COL16A1: variants seen among roughly 807,000 people sequenced by gnomAD.
The protein encoded by COL16A1 is collagen type XVI alpha 1 chain.
In COL16A1, 189 loss-of-function variants were observed where a neutral mutation model predicts 266.3. The observed-to-expected ratio is 0.71, with a 90% confidence interval of 0.63 to 0.80. The LOEUF is 0.80. Ranked by LOEUF, COL16A1 falls within the 30% of genes least tolerant of loss-of-function variation. The probability of loss-of-function intolerance (pLI) is 0.00; values close to 1 mark genes in which losing one functional copy is unlikely to be tolerated. For synonymous variants in COL16A1, 740 were observed against 782.3 expected, an observed-to-expected ratio of 0.95 and a Z score of 0.90; for missense variants, 1,928 against 2,122.4, an observed-to-expected ratio of 0.91 and a Z score of 1.80.
In COL16A1 at chr1:31,656,722, G is replaced by A. The variant is rs1216458079; in HGVS notation, c.4057-278C>T. On this transcript the variant is annotated intron_variant, in intron 65 of 70. Coordinates refer to ENST00000373672, the MANE Select transcript of COL16A1 (RefSeq NM_001856.4). This position sits in a 1 kb window ranked among gnomAD's most constrained non-coding sequence, Gnocchi z 4.2. The stretch of plus-strand genomic sequence containing the variant: ...GAGGGCCAGTCTGTGGCATACTGGG[G>A]GGCCTGGAAAGACCTGGTACCCAGG... 1.3e-5 allele frequency among the ~76,000 whole-genome samples: 2 copies of A among 152,108 alleles called. No individual in the cohort carries two copies. Among genetic ancestry groups the A allele is most frequent in the Non-Finnish European group, 2.9e-5 (2 of 68,016 alleles).
At chr1:31,701,431 C>T in intron 2 of COL16A1, 4 of 985,442 alleles carry the variant, frequency 4.1e-6, no homozygotes, top group Non-Finnish European at 4.8e-6. Flanking sequence ...GGTTTTTCTG[C>T]TTTTCCTAGC....
chr1:31,665,815 G>A (rs1373682392), intron 54 of COL16A1, 67 bp downstream of exon 54: 1 of 1,610,936 alleles, frequency 6.2e-7, no homozygotes. Context: ...GGAGACTAGA[G>A]CTGGTGATCA....
chr1:31,662,999 T>G (rs1001645229), intron 56 of COL16A1: 6 of 396,680 alleles, frequency 1.5e-5, no homozygotes, highest in Non-Finnish European at 2.3e-5. Context: ...AAGCTGCCTG[T>G]TGTATTCTAC....
At chr1:31,692,568 T>C (rs747381514) in intron 15 of COL16A1, 30 bp downstream of exon 15, 2 of 1,614,066 alleles carry the variant, frequency 1.2e-6, no homozygotes, top group Admixed American at 3.3e-5. Flanking sequence ...GGACCCACCA[T>C]CCCTGCCCTA....
In COL16A1 at chr1:31,692,504, G is replaced by C. The variant is rs1276174040; in HGVS notation, c.1164C>G (p.Pro388=). ...GEKGESGALG[P]SGLPGSTGEK... is the part of the protein sequence containing the mutation. ...CGCCTGTTGAGCCTGGGAGTCCTGA[G>C]GGTCCCTGAGATGAGGAAGGGAGAC... is the stretch of plus-strand genomic sequence containing the variant. Residue 388 remains proline, a synonymous_variant, in exon 16 of 71, where the codon CCC becomes CCG. Transcript: ENST00000373672. 2 of 1,613,882 alleles carry C rather than the reference G, an allele frequency of 1.2e-6. No homozygotes were observed. The highest frequency in any genetic ancestry group is 1.7e-6 in the Non-Finnish European group (2 of 1,179,860).
intron 29 of COL16A1, 37 bp from the exon 30 acceptor site, chr1:31,684,893 A>C: frequency 1.2e-6 from 2 of 1,612,296 alleles, no homozygotes; most frequent in Non-Finnish European, 1.7e-6. Context: ...GCTCACTCAT[A>C]CCAGCCACCC....
rs1644694233 is a variant in COL16A1, at chr1:31,700,700, A to G, written c.74-585T>C. ...GTGTTCTCAGCAATAGGAACGTCCT[A>G]CATCCAAATCAGACAAGCAGGCCAG... On this transcript the variant is annotated intron_variant, in intron 2 of 70. Coordinates refer to ENST00000373672, the MANE Select transcript of COL16A1 (RefSeq NM_001856.4). 2.0e-5 allele frequency among the ~76,000 whole-genome samples: 3 copies of G among 152,224 alleles called. No individual in the cohort carries two copies. In the South Asian group the frequency reaches 6.2e-4, roughly 31 times the overall value.
At chr1:31,699,256 C>T (rs1265676056) in intron 4 of COL16A1, among the ~76,000 whole-genome samples, 4 of 152,152 alleles carry the variant, frequency 2.6e-5, no homozygotes, top group African/African-American at 9.7e-5. Flanking sequence ...ATTTCGCTAT[C>T]GCATTGCAAT....
At position 31,686,120 on chromosome 1, in the gene COL16A1, C is replaced by G. The variant is rs779837380; in HGVS notation, c.1855G>C (p.Val619Leu). ...GCCCCTTTGATGCCTGCTGGCCCCA[C>G]TGGTCCTGGTGGCCCCTGCATGTTA... Reference protein sequence around the residue: ...PAGSPGPPGPVGPAGIKGAKG... With the variant: ...PAGSPGPPGPLGPAGIKGAKG... The change falls in exon 28 of 71, where the codon GTG (valine) becomes CTG (leucine). Residue 619 changes from valine to leucine, a missense_variant. Physicochemically the swap from Val to Leu is conservative, Grantham distance 32. This residue lies in a region of COL16A1 where 1,552 missense variants were observed against 1,637.2 expected (regional missense o/e 0.95). Transcript: ENST00000373672. 3.4e-5 allele frequency: 55 copies of G among 1,614,064 alleles called. No individual in the cohort carries two copies. Among genetic ancestry groups the G allele is most frequent in the Middle Eastern group, 1.6e-4 (1 of 6,084 alleles).
In COL16A1 at chr1:31,700,130, G is replaced by T; in HGVS notation, c.74-15C>A. The T allele has an allele frequency of 6.2e-7, 1 of 1,613,900 alleles. No individual in the cohort carries two copies. Among genetic ancestry groups the T allele is most frequent in the Non-Finnish European group, 8.5e-7 (1 of 1,179,766 alleles). ...GCATTGTGCACCTAGAAGAGAAGGG[G>T]CAGGGGGGCATTAGGTGCGCTCAGG... is the stretch of plus-strand genomic sequence containing the variant. On this transcript the variant is annotated splice_polypyrimidine_tract_variant and intron_variant, in intron 2 of 70. Transcript: ENST00000373672.
chr1:31,691,058 G>C, intron 20 of COL16A1, 130 bp downstream of exon 20: 1 of 1,437,852 alleles, frequency 7.0e-7, no homozygotes, highest in Non-Finnish European at 9.4e-7. Context: ...GCCGAGCCCA[G>C]CCTCCTCCTC....
In COL16A1 at chr1:31,697,949, T is replaced by G; in HGVS notation, c.614A>C (p.His205Pro). 1 of 1,611,242 alleles carries G rather than the reference T, an allele frequency of 6.2e-7. No homozygotes were observed. The highest frequency in any genetic ancestry group is 1.1e-5 in the South Asian group (1 of 91,016). ...CTCAGCATCCAAGCCTAGAAATACA[T>G]GGCCCACAGGCCTCATGGGTCGTCG... is the stretch of plus-strand genomic sequence containing the variant. ...GPRRPMRPVGHVFLGLDAEQG... is the reference protein window; with the variant it reads ...GPRRPMRPVGPVFLGLDAEQG... Residue 205 changes from histidine to proline, a missense_variant, in exon 6 of 71, where the codon CAT becomes CCT. Transcript: ENST00000373672. This position sits in a 1 kb window ranked among gnomAD's most constrained non-coding sequence, Gnocchi z 4.2.
chr1:31,684,316 G>A, intron 31 of COL16A1, 85 bp from the exon 32 acceptor site: 1 of 1,447,388 alleles, frequency 6.9e-7, no homozygotes, highest in Non-Finnish European at 9.1e-7. Flanking sequence ...TGAACACTCT[G>A]CCCCTTGAAT....
intron 19 of COL16A1, 55 bp downstream of exon 19, chr1:31,691,362 G>T: frequency 1.3e-6 from 2 of 1,587,572 alleles, no homozygotes; most frequent in Non-Finnish European, 1.7e-6. Flanking sequence ...CCCTGGCCAG[G>T]GTGGGAGAGC....
At chr1:31,680,014 G>A (rs200051819) in intron 40 of COL16A1, 28 bp downstream of exon 40, 2 of 1,612,734 alleles carry the variant, frequency 1.2e-6, no homozygotes, top group South Asian at 1.1e-5. Flanking sequence ...TCCCCCAGTT[G>A]GGGGAAGGCT....
chr1:31,669,726 AG>A (rs1642478882), intron 49 of COL16A1: 1 of 152,262 alleles, frequency 6.6e-6, no homozygotes, highest in African/African-American at 2.4e-5. Context: ...GCCAGGCCCC[AG>A]GAACACAAAA....
In COL16A1 at chr1:31,675,043, C is replaced by A; in HGVS notation, c.2827-4G>T. The stretch of plus-strand genomic sequence containing the variant: ...GCTGTTCAATTGGTAAGGATCCCTG[C>A]AAGAGACAGATGTGTGGGCTCAAGC... On this transcript the variant is annotated splice_polypyrimidine_tract_variant and splice_region_variant and intron_variant, in intron 43 of 70. Transcript: ENST00000373672. 9 of 1,613,250 alleles carry A rather than the reference C, an allele frequency of 5.6e-6. No homozygotes were observed. Among genetic ancestry groups the A allele is most frequent in the Non-Finnish European group, 7.6e-6 (9 of 1,179,600 alleles).
chr1:31,695,648 G>T, intron 10 of COL16A1, 113 bp downstream of exon 10: 2 of 1,019,712 alleles, frequency 2.0e-6, no homozygotes, highest in Non-Finnish European at 3.0e-6. Context: ...CTCAAGGAAT[G>T]CCAGGAGCTG....
intron 23 of COL16A1, 21 bp from the exon 24 acceptor site, chr1:31,689,106 T>TG (rs774247876): frequency 6.2e-7 from 1 of 1,613,368 alleles, no homozygotes; most frequent in South Asian, 1.1e-5. Flanking sequence ...AAAAGGTTTG[T>TG]GGGCTGAGGC....
Sources: allele counts gnomAD v4.1 joint callset (sites outside exome capture counted in the v4.1 genomes callset), GRCh38; gene constraint gnomAD v4.1.1; regional missense constraint gnomAD v4.1.1; non-coding constraint Gnocchi (gnomAD v3.1); transcripts MANE v1.5; gene names NCBI Gene and HGNC (gene_info 2026-07-23, HGNC 2026-07-21).